The following VSTM5 variants were observed in gnomAD, a reference collection of about 807,000 sequenced individuals.
The protein encoded by VSTM5 is V-set and transmembrane domain containing 5.
A neutral mutation model predicts 20.3 loss-of-function variants in VSTM5; 21 were observed. The ratio of observed to expected loss-of-function variants is 1.03; its 90% CI spans 0.73 to 1.49. The LOEUF is 1.49. VSTM5 is among the 40% of genes most tolerant of loss of function. VSTM5 has a pLI of 0.00. For missense variants in VSTM5, 219 were observed against 250.0 expected (o/e 0.88, Z 0.84); for synonymous variants, 100 against 102.5 (o/e 0.98, Z 0.14).
intron 3 of VSTM5, 63 bp downstream of exon 3, chr11:93,820,680 A>G: frequency 1.9e-6 from 3 of 1,551,666 alleles, no homozygotes; most frequent in Non-Finnish European, 2.6e-6. Flanking sequence ...TGAGAACAAG[A>G]TAACACATGC....
intron 1 of VSTM5, among the ~76,000 whole-genome samples, chr11:93,844,433 A>G (rs1032104978): frequency 6.6e-6 from 1 of 152,082 alleles, no homozygotes; most frequent in Non-Finnish European, 1.5e-5. Flanking sequence ...TCTGGCACTA[A>G]TATAGGGGCC....
At chr11:93,833,404 C>A (rs1294228157) in intron 1 of VSTM5, among the ~76,000 whole-genome samples, 1 of 152,228 alleles carries the variant, frequency 6.6e-6, no homozygotes, top group Non-Finnish European at 1.5e-5. Flanking sequence ...CATGGCGAAA[C>A]CCCATCTCTG....
At chr11:93,849,775 C>T (rs932070090) in intron 1 of VSTM5, among the ~76,000 whole-genome samples, 1 of 152,228 alleles carries the variant, frequency 6.6e-6, no homozygotes, top group African/African-American at 2.4e-5. Flanking sequence ...CATCCAGGCT[C>T]ACCAGGCTGG....
Position 93,820,989 on chromosome 11 carries a change from T to G in VSTM5, c.418+8A>C. ...CAGAGGGGTGCCCGGGGCCCTGGGA[T>G]GTCTTACCAGAGACGTGCAGCACGA... On this transcript the variant is annotated splice_region_variant and intron_variant, in intron 2 of 3. Coordinates refer to ENST00000409977, the MANE Select transcript of VSTM5 (RefSeq NM_001144871.2). 6.4e-7 allele frequency: 1 copy of G among 1,551,214 alleles called. No individual in the cohort carries two copies. The highest frequency in any genetic ancestry group is 8.7e-7 in the Non-Finnish European group (1 of 1,146,636).
At chr11:93,837,264 T>G (rs923942872) in intron 1 of VSTM5, among the ~76,000 whole-genome samples, 3 of 152,126 alleles carry the variant, frequency 2.0e-5, no homozygotes, top group African/African-American at 7.2e-5. Context: ...ACTCCTGACC[T>G]CGGGTGATCT....
chr11:93,825,420 T>C (rs1591397117), intron 1 of VSTM5, among the ~76,000 whole-genome samples: 1 of 152,224 alleles, frequency 6.6e-6, no homozygotes, highest in Non-Finnish European at 1.5e-5. Context: ...TCCAACTGCC[T>C]CAGCCTTCCA....
chr11:93,830,540 G>A (rs78240306), intron 1 of VSTM5, among the ~76,000 whole-genome samples: 1 of 152,166 alleles, frequency 6.6e-6, no homozygotes, highest in African/African-American at 2.4e-5. Context: ...TGTAGATGCT[G>A]AAAATATACT....
At chr11:93,844,129 T>C (rs1944393795) in intron 1 of VSTM5, among the ~76,000 whole-genome samples, 1 of 152,194 alleles carries the variant, frequency 6.6e-6, no homozygotes, top group Non-Finnish European at 1.5e-5. Flanking sequence ...ATGTGACTCA[T>C]ACAAGCATGG....
At chr11:93,834,810 A>C (rs952124984) in intron 1 of VSTM5, among the ~76,000 whole-genome samples, 5 of 151,492 alleles carry the variant, frequency 3.3e-5, no homozygotes, top group Admixed American at 3.3e-4. Flanking sequence ...AAAATTTAAA[A>C]ATAAAAATAA....
chr11:93,824,406 C>T (rs898588690), intron 1 of VSTM5, among the ~76,000 whole-genome samples: 1 of 152,148 alleles, frequency 6.6e-6, no homozygotes, highest in Non-Finnish European at 1.5e-5. Context: ...TTGCACTTCC[C>T]TGATTAGTTC....
At chr11:93,831,094 C>G (rs1944279872) in intron 1 of VSTM5, among the ~76,000 whole-genome samples, 1 of 151,918 alleles carries the variant, frequency 6.6e-6, no homozygotes, top group Admixed American at 6.6e-5. Context: ...CAGTCTTGCT[C>G]TGTTGCCCAG....
At chr11:93,841,624 T>C (rs542422995) in intron 1 of VSTM5, among the ~76,000 whole-genome samples, 2 of 152,186 alleles carry the variant, frequency 1.3e-5, no homozygotes, top group African/African-American at 2.4e-5. Flanking sequence ...AAAACTGTAC[T>C]TTTAGAACTT....
chr11:93,846,939 G>A (rs189979520), intron 1 of VSTM5, among the ~76,000 whole-genome samples: 196 of 151,708 alleles, frequency 1.3e-3, no homozygotes, highest in African/African-American at 4.6e-3. Flanking sequence ...GCTAATTTTT[G>A]TATTTTTAGT....
intron 2 of VSTM5, 25 bp downstream of exon 2, chr11:93,820,972 T>C (rs1321771997): frequency 6.4e-7 from 1 of 1,550,738 alleles, no homozygotes; most frequent in Non-Finnish European, 8.7e-7. Flanking sequence ...TTCAGAGGGG[T>C]GCCCGGGGCC....
rs1944180589 is a variant in VSTM5, at chr11:93,821,080, A to G, written c.335T>C (p.Val112Ala). The G allele has an allele frequency of 5.8e-6, 9 of 1,551,578 alleles. No individual in the cohort carries two copies. Among genetic ancestry groups the G allele is most frequent in the Non-Finnish European group, 7.8e-6 (9 of 1,146,980 alleles). Reference sequence around the variant, plus strand: ...GATGACATAGTAGCCGGAATCCCTCACTCCCACGCTGAAGAGCTGGATGGA... The same window carrying G: ...GATGACATAGTAGCCGGAATCCCTCGCTCCCACGCTGAAGAGCTGGATGGA... ...NGSIQLFSVGVRDSGYYVITV... is the reference protein window; with the variant it reads ...NGSIQLFSVGARDSGYYVITV... Residue 112 changes from valine (V) to alanine (A), a missense_variant, in exon 2 of 4, where the codon GTG (valine) becomes GCG (alanine). Physicochemically the swap from Val to Ala is moderately conservative, Grantham distance 64 (BLOSUM62 0). Coordinates refer to ENST00000409977, the MANE Select transcript of VSTM5 (RefSeq NM_001144871.2).
intron 1 of VSTM5, among the ~76,000 whole-genome samples, chr11:93,841,278 A>G (rs1236348562): frequency 2.0e-5 from 3 of 152,218 alleles, no homozygotes; most frequent in South Asian, 2.1e-4. Flanking sequence ...CCCAGAAAAC[A>G]TTGTAAACTC....
intron 1 of VSTM5, among the ~76,000 whole-genome samples, chr11:93,840,856 AAC>A (rs1409475665): frequency 2.0e-5 from 3 of 152,130 alleles, no homozygotes; most frequent in Non-Finnish European, 4.4e-5. Flanking sequence ...ATAGGCAGGG[AAC>A]TTAGGGCCCA....
intron 1 of VSTM5, among the ~76,000 whole-genome samples, chr11:93,847,012 G>A (rs1393047133): frequency 1.3e-5 from 2 of 152,034 alleles, no homozygotes; most frequent in African/African-American, 2.4e-5. Flanking sequence ...TGATCCGCCC[G>A]GCTCGGCCTC....
intron 1 of VSTM5, among the ~76,000 whole-genome samples, chr11:93,827,905 C>G (rs780055826): frequency 6.6e-6 from 1 of 151,872 alleles, no homozygotes; most frequent in East Asian, 1.9e-4. Flanking sequence ...ATATTATGTA[C>G]GGAAAAATGG....
Sources: allele counts gnomAD v4.1 joint callset (sites outside exome capture counted in the v4.1 genomes callset), GRCh38; gene constraint gnomAD v4.1.1; transcripts MANE v1.5; gene names NCBI Gene and HGNC (gene_info 2026-07-23, HGNC 2026-07-21).